DCK: variants seen among roughly 807,000 people sequenced by gnomAD.
DCK encodes deoxycytidine kinase, also known as deoxyadenosine kinase.
In DCK, 23 loss-of-function variants were observed where a neutral mutation model predicts 38.3. The observed-to-expected ratio is 0.60, with a 90% CI of 0.43 to 0.85. The LOEUF (loss-of-function observed/expected upper bound fraction) is 0.85. Among genes scored for constraint, DCK ranks in the 40% least tolerant of loss-of-function variants. The pLI is 0.00. For missense variants in DCK, 259 were observed against 304.4 expected (o/e 0.85, Z 1.11); for synonymous variants, 108 against 100.6 (o/e 1.07, Z -0.44).
chr4:71,030,401 AAG>A lies in DCK; in HGVS notation c.*1026_*1027del, dbSNP rs1462492671. The A allele has an allele frequency of 6.6e-6, 1 of 152,078 alleles. No homozygotes were observed. Among genetic ancestry groups the A allele is most frequent in the Non-Finnish European group, 1.5e-5 (1 of 67,972 alleles). The allele number at this position is 152,078 out of a possible 1,614,324, so 9.4% of individuals were successfully genotyped here. A position where few individuals can be genotyped will look rare whatever the true frequency, so the allele number is the denominator to read the frequency against. On this transcript the variant is annotated 3_prime_UTR_variant, in exon 7 of 7. Coordinates refer to ENST00000286648, the MANE Select transcript of DCK (RefSeq NM_000788.3). Reference sequence around the variant, plus strand: ...ATTTTATGTATTTTAAAATAAGGGGAAGAGTCATTTTCACTTTTAAACTACTA... The same window carrying A: ...ATTTTATGTATTTTAAAATAAGGGGAAGTCATTTTCACTTTTAAACTACTA...
Position 70,993,763 on chromosome 4 carries a change from C to T in DCK, c.-73C>T, listed in dbSNP as rs1739593171. 12 of 1,048,926 alleles carry T rather than the reference C, an allele frequency of 1.1e-5. No individual in the cohort carries two copies. Among genetic ancestry groups the T allele is most frequent in the African/African-American group, 1.6e-5 (1 of 63,208 alleles). 65.0% of individuals were successfully genotyped at this position (1,048,926 alleles called of 1,614,324 possible). A position where few individuals can be genotyped will look rare whatever the true frequency, so the allele number is the denominator to read the frequency against. Reference sequence around the variant, plus strand: ...ATCTGGCTTAGCGGCGCCGCGAGCTCCAGTGCGCGCACCCGTGGCCGCCTC... The same window carrying T: ...ATCTGGCTTAGCGGCGCCGCGAGCTTCAGTGCGCGCACCCGTGGCCGCCTC... On this transcript the variant is annotated 5_prime_UTR_variant, in exon 1 of 7. Coordinates refer to ENST00000286648, the MANE Select transcript of DCK (RefSeq NM_000788.3).
intron 2 of DCK, among the ~76,000 whole-genome samples, chr4:71,018,743 C>A (rs892351007): frequency 1.4e-5 from 2 of 144,576 alleles, no homozygotes; most frequent in African/African-American, 2.6e-5. Context: ...ACAATCTTGG[C>A]TCACTGCAGC....
Position 71,026,725 on chromosome 4 carries a change from T to C in DCK, c.726T>C (p.Phe242=), listed in dbSNP as rs751716190. Residue 242 remains phenylalanine (F), a synonymous_variant, in exon 6 of 7, where the codon TTT becomes TTC. Coordinates refer to ENST00000286648, the MANE Select transcript of DCK (RefSeq NM_000788.3). ...TAACACTGGATGTTAATGAAGACTT[T>C]AAAGACAAATATGAAAGTCTGGTTG... ...PILTLDVNED[F]KDKYESLVEK... 2 of 1,559,498 alleles carry C rather than the reference T, an allele frequency of 1.3e-6. No individual in the cohort carries two copies. Among genetic ancestry groups the C allele is most frequent in the Non-Finnish European group, 1.8e-6 (2 of 1,134,444 alleles).
intron 2 of DCK, among the ~76,000 whole-genome samples, chr4:70,999,275 G>A (rs570689256): frequency 2.7e-4 from 41 of 152,216 alleles, no homozygotes; most frequent in African/African-American, 9.6e-4. Flanking sequence ...GCGGTGTTTG[G>A]TTTCCTGTTC....
chr4:71,018,126 C>CT (rs35755135), intron 2 of DCK, among the ~76,000 whole-genome samples: 101,674 of 126,800 alleles, frequency 0.8, 44,615 homozygotes, highest in Non-Finnish European at 0.95. Flanking sequence ...TAGATTATTT[C>CT]TTTTTTTTTT....
chr4:71,019,963 T>G (rs563932406), intron 2 of DCK, among the ~76,000 whole-genome samples: 5 of 152,218 alleles, frequency 3.3e-5, no homozygotes, highest in African/African-American at 7.2e-5. Context: ...ATTTTTTATA[T>G]TTTTGGTAGA....
chr4:71,014,954 A>T (rs1294522909), intron 2 of DCK, among the ~76,000 whole-genome samples: 1 of 152,216 alleles, frequency 6.6e-6, no homozygotes, highest in Non-Finnish European at 1.5e-5. Context: ...GACACAAAAA[A>T]CCCTTCAAAA....
intron 2 of DCK, among the ~76,000 whole-genome samples, chr4:71,021,618 G>T (rs1439832990): frequency 6.6e-6 from 1 of 152,094 alleles, no homozygotes; most frequent in African/African-American, 2.4e-5. Context: ...GGAATGGTGG[G>T]GATTAATAAG....
intron 2 of DCK, among the ~76,000 whole-genome samples, chr4:71,000,952 A>G (rs182782320): frequency 1.1e-3 from 163 of 152,286 alleles, no homozygotes; most frequent in African/African-American, 3.7e-3. Flanking sequence ...TACAGTCATC[A>G]TCTGCAAACA....
At chr4:71,011,507 C>A (rs1339383111) in intron 2 of DCK, among the ~76,000 whole-genome samples, 1 of 152,110 alleles carries the variant, frequency 6.6e-6, no homozygotes, top group Non-Finnish European at 1.5e-5. Context: ...CAGGCCCACA[C>A]CAACATGCCC....
chr4:70,993,936 C>A lies in DCK; in HGVS notation c.91+10C>A. On this transcript the variant is annotated intron_variant, in intron 1 of 6. Transcript: ENST00000286648. ...ATCGAAGGGAACATCGGTAAGGAGC[C>A]TCCGGAAATGTGGGACGCAAGGCTG... is the stretch of plus-strand genomic sequence containing the variant. 1 of 1,600,980 alleles carries A rather than the reference C, an allele frequency of 6.2e-7. No individual in the cohort carries two copies. Among genetic ancestry groups the A allele is most frequent in the Non-Finnish European group, 8.6e-7 (1 of 1,168,300 alleles).
intron 2 of DCK, among the ~76,000 whole-genome samples, chr4:71,012,695 A>C (rs1433144887): frequency 6.6e-6 from 1 of 152,268 alleles, no homozygotes; most frequent in Non-Finnish European, 1.5e-5. Context: ...ACAGACCAGC[A>C]GCTGAGGGTC....
intron 4 of DCK, among the ~76,000 whole-genome samples, chr4:71,025,193 T>A (rs1341241435): frequency 6.6e-6 from 1 of 152,070 alleles, no homozygotes; most frequent in Non-Finnish European, 1.5e-5. Flanking sequence ...AGCTGCACTG[T>A]CCAATGTGGC....
chr4:70,996,509 T>G (rs757616937), intron 1 of DCK, among the ~76,000 whole-genome samples: 1 of 152,264 alleles, frequency 6.6e-6, no homozygotes, highest in Non-Finnish European at 1.5e-5. Flanking sequence ...GGTGTTTAGA[T>G]GGAGCATGTT....
At chr4:71,018,276 GC>G (rs1740324182) in intron 2 of DCK, among the ~76,000 whole-genome samples, 1 of 151,814 alleles carries the variant, frequency 6.6e-6, no homozygotes. Flanking sequence ...ACAGGCGCCT[GC>G]CACCATGCCC....
At chr4:71,015,018 C>T (rs1027778321) in intron 2 of DCK, among the ~76,000 whole-genome samples, 25 of 151,960 alleles carry the variant, frequency 1.6e-4, no homozygotes, top group African/African-American at 3.6e-4. Context: ...ATTGATAGAC[C>T]GCTAGCAAGA....
chr4:70,994,903 C>G (rs185484290), intron 1 of DCK, among the ~76,000 whole-genome samples: 5 of 152,254 alleles, frequency 3.3e-5, no homozygotes, highest in Admixed American at 3.3e-4. Flanking sequence ...TTCTGTATCT[C>G]CAACCACAGG....
intron 6 of DCK, chr4:71,028,783 G>A (rs1295805167): frequency 1.9e-5 from 6 of 308,714 alleles, no homozygotes; most frequent in South Asian, 2.5e-5. Context: ...TTGAGACGGA[G>A]TTTTGCTCTT....
chr4:71,015,461 C>A (rs1033872150), intron 2 of DCK, among the ~76,000 whole-genome samples: 1 of 152,168 alleles, frequency 6.6e-6, no homozygotes, highest in Non-Finnish European at 1.5e-5. Context: ...GATACCAAAG[C>A]CTGGCAGAGA....
Sources: gnomAD v4.1 joint callset for allele counts (sites outside exome capture counted in the v4.1 genomes callset) on GRCh38, gnomAD v4.1.1 for gene constraint, MANE v1.5 for transcripts, NCBI Gene and HGNC (gene_info 2026-07-23, HGNC 2026-07-21) for gene names.